The following C8orf34 variants were observed in gnomAD, a reference collection of about 807,000 sequenced individuals.
C8orf34 encodes chromosome 8 open reading frame 34.
C8orf34 carries 65 observed loss-of-function variants against 68.3 expected under a neutral mutation model. That is an observed-to-expected ratio of 0.95 (90% CI 0.78 to 1.17). The LOEUF (loss-of-function observed/expected upper bound fraction) is 1.17. Ranked by LOEUF, C8orf34 falls within the 50% of genes most tolerant of loss-of-function variation. The pLI, the probability that C8orf34 is intolerant of heterozygous loss-of-function variation, is 0.00. For missense variants in C8orf34, 664 were observed against 655.4 expected (o/e 1.01, Z -0.14); for synonymous variants, 244 against 241.2 (o/e 1.01, Z -0.11).
chr8:68,488,148 C>A, intron 5 of C8orf34, 97 bp downstream of exon 5: 1 of 866,964 alleles, frequency 1.2e-6, no homozygotes, highest in Non-Finnish European at 1.7e-6. Flanking sequence ...ATAAAATGTT[C>A]AAGTATAATT....
At chr8:68,669,491 A>G (rs535533561) in intron 8 of C8orf34, among the ~76,000 whole-genome samples, 2 of 152,168 alleles carry the variant, frequency 1.3e-5, no homozygotes, top group Non-Finnish European at 2.9e-5. Flanking sequence ...TTTCAAAAGG[A>G]GAGTAGGATG....
chr8:68,535,514 G>A lies in C8orf34; in HGVS notation c.1105+2365G>A, dbSNP rs559145397. 2.4e-4 allele frequency: 225 copies of A among 944,488 alleles called. 1 individual carries two copies. In the African/African-American group the frequency reaches 3.7e-3, roughly 16 times the overall value. The allele number at this position is 944,488 out of a possible 1,614,324, so 58.5% of individuals were successfully genotyped here. A position where few individuals can be genotyped will look rare whatever the true frequency, so the allele number is the denominator to read the frequency against. On this transcript the variant is annotated intron_variant, in intron 7 of 13. Coordinates refer to ENST00000518698, the MANE Select transcript of C8orf34 (RefSeq NM_052958.4). Reference sequence around the variant, plus strand: ...TTCAATAAAATTGGTTGATTTGAAGGGAAAAAATCCTTTTAGTTGAACTAG... The same window carrying A: ...TTCAATAAAATTGGTTGATTTGAAGAGAAAAAATCCTTTTAGTTGAACTAG...
intron 8 of C8orf34, among the ~76,000 whole-genome samples, chr8:68,696,884 T>G (rs1323051328): frequency 1.3e-5 from 2 of 152,082 alleles, no homozygotes; most frequent in Non-Finnish European, 2.9e-5. Flanking sequence ...CTCACTGCTA[T>G]TTAATCTCTT....
chr8:68,388,776 C>A (rs1459939691), intron 1 of C8orf34, among the ~76,000 whole-genome samples: 1 of 151,944 alleles, frequency 6.6e-6, no homozygotes, highest in Non-Finnish European at 1.5e-5. Flanking sequence ...ATAACAAGAC[C>A]GTGTTTAAGA....
At chr8:68,415,700 C>T (rs1449853936) in intron 1 of C8orf34, among the ~76,000 whole-genome samples, 1 of 152,114 alleles carries the variant, frequency 6.6e-6, no homozygotes, top group African/African-American at 2.4e-5. Flanking sequence ...GAAAATTCTC[C>T]ACCTCTCTAG....
rs117013758 is a variant in C8orf34 at position 68,787,773 on chromosome 8, C to T, written c.1549+237C>T. Among the ~76,000 whole-genome samples the T allele has an allele frequency of 1.7e-3, 252 of 152,086 alleles. 4 individuals are homozygous for T. The East Asian group carries it at 0.041, about 25-fold the overall frequency. On this transcript the variant is annotated intron_variant, in intron 12 of 13. Coordinates refer to ENST00000518698, the MANE Select transcript of C8orf34 (RefSeq NM_052958.4). ...TTCTAGAAAAAAAAAGCAATTCTTTCTAAAGACCAACATAGACTGTCTAGT... is the reference window on the plus strand; with the variant it reads ...TTCTAGAAAAAAAAAGCAATTCTTTTTAAAGACCAACATAGACTGTCTAGT...
intron 1 of C8orf34, among the ~76,000 whole-genome samples, chr8:68,364,956 A>G (rs1324365531): frequency 6.6e-6 from 1 of 150,966 alleles, no homozygotes; most frequent in African/African-American, 2.4e-5. Context: ...TGAATCCAGG[A>G]GCTGGTTTTT....
At chr8:68,506,587 G>A (rs1814032630) in intron 5 of C8orf34, among the ~76,000 whole-genome samples, 1 of 152,056 alleles carries the variant, frequency 6.6e-6, no homozygotes, top group South Asian at 2.1e-4. Flanking sequence ...TTGAGTTTGT[G>A]TGAGTTTGTT....
chr8:68,442,748 C>T (rs932651058), intron 2 of C8orf34, among the ~76,000 whole-genome samples: 1 of 152,078 alleles, frequency 6.6e-6, no homozygotes, highest in African/African-American at 2.4e-5. Context: ...GCAGCAATAT[C>T]AGGGAAACGA....
At chr8:68,416,023 T>G (rs1809650376) in intron 1 of C8orf34, among the ~76,000 whole-genome samples, 1 of 152,220 alleles carries the variant, frequency 6.6e-6, no homozygotes, top group African/African-American at 2.4e-5. Flanking sequence ...ATTGTTGTTG[T>G]GAGCATGAAA....
chr8:68,617,976 G>T (rs1368397011), intron 7 of C8orf34, among the ~76,000 whole-genome samples: 1 of 152,018 alleles, frequency 6.6e-6, no homozygotes, highest in Admixed American at 6.5e-5. Flanking sequence ...TGGAGGCTTT[G>T]TTCGTTTCTT....
chr8:68,777,952 G>A (rs1823568938), intron 11 of C8orf34, among the ~76,000 whole-genome samples: 2 of 152,104 alleles, frequency 1.3e-5, no homozygotes, highest in Admixed American at 1.3e-4. Context: ...TTTCTTAGGG[G>A]TTTAGTATTA....
At position 68,346,430 on chromosome 8, in the gene C8orf34, G is replaced by A. The variant is rs371814539; in HGVS notation, c.327+15091G>A. On this transcript the variant is annotated intron_variant, in intron 1 of 13. Coordinates refer to ENST00000518698, the MANE Select transcript of C8orf34 (RefSeq NM_052958.4). Reference sequence around the variant, plus strand: ...GAGTGTAACATTTATTACAATTGATGAACCTACATTGACACATCCTTATTA... The same window carrying A: ...GAGTGTAACATTTATTACAATTGATAAACCTACATTGACACATCCTTATTA... Among the ~76,000 whole-genome samples, 32 of 152,070 alleles carry A rather than the reference G, an allele frequency of 2.1e-4. No homozygotes were observed. In the East Asian group the frequency reaches 5.2e-3, roughly 25 times the overall value.
At chr8:68,458,084 C>T (rs138212073) in intron 3 of C8orf34, among the ~76,000 whole-genome samples, 2 of 152,058 alleles carry the variant, frequency 1.3e-5, no homozygotes, top group Admixed American at 6.6e-5. Context: ...TGATTGTCCT[C>T]GTTTGATTCC....
At chr8:68,707,855 T>C (rs1821215545) in intron 8 of C8orf34, among the ~76,000 whole-genome samples, 1 of 152,182 alleles carries the variant, frequency 6.6e-6, no homozygotes, top group Non-Finnish European at 1.5e-5. Flanking sequence ...CCTTCTCTCT[T>C]TGATATGATT....
At chr8:68,375,738 A>G (rs922700600) in intron 1 of C8orf34, among the ~76,000 whole-genome samples, 1 of 152,210 alleles carries the variant, frequency 6.6e-6, no homozygotes, top group Non-Finnish European at 1.5e-5. Flanking sequence ...ACCTTGACCT[A>G]CTGTACTCTA....
intron 6 of C8orf34, among the ~76,000 whole-genome samples, chr8:68,526,162 T>A (rs1056628021): frequency 2.0e-5 from 3 of 151,954 alleles, no homozygotes; most frequent in Non-Finnish European, 2.9e-5. Context: ...GGTTTCACTA[T>A]GTTGCCCAGG....
intron 1 of C8orf34, among the ~76,000 whole-genome samples, chr8:68,383,653 A>C (rs570641390): frequency 3.0e-4 from 45 of 152,328 alleles, no homozygotes; most frequent in African/African-American, 1.1e-3. Flanking sequence ...CGAGCTGTAC[A>C]GTGTGCAATA....
At chr8:68,804,051 T>G (rs1404478130) in intron 12 of C8orf34, among the ~76,000 whole-genome samples, 1 of 152,198 alleles carries the variant, frequency 6.6e-6, no homozygotes, top group East Asian at 1.9e-4. Flanking sequence ...AGTAACATCT[T>G]CAATGTATCT....
Sources: allele counts gnomAD v4.1 joint callset (sites outside exome capture counted in the v4.1 genomes callset), GRCh38; gene constraint gnomAD v4.1.1; transcripts MANE v1.5; gene names NCBI Gene and HGNC (gene_info 2026-07-23, HGNC 2026-07-21).